CDH13: variants seen among roughly 807,000 people sequenced by gnomAD.
The protein encoded by CDH13 is cadherin-13.
In CDH13, 24 loss-of-function variants were observed where a neutral mutation model predicts 63.8. That is an observed-to-expected ratio of 0.38 (90% confidence interval 0.27 to 0.53). The LOEUF is 0.53. Ranked by LOEUF, CDH13 falls within the 20% of genes least tolerant of loss-of-function variation. The pLI, the probability that CDH13 is intolerant of heterozygous loss-of-function variation, is 0.85. For missense variants in CDH13, 1,049 were observed against 903.1 expected (o/e 1.16, Z -2.07); for synonymous variants, 503 against 355.3 (o/e 1.42, Z -4.67).
At chr16:83,010,757 T>C (rs979090618) in intron 2 of CDH13, among the ~76,000 whole-genome samples, 1 of 152,218 alleles carries the variant, frequency 6.6e-6, no homozygotes, top group African/African-American at 2.4e-5. Context: ...GGTGGGTTTG[T>C]GAACCTATGA....
At chr16:83,043,294 C>T (rs1415425161) in intron 3 of CDH13, among the ~76,000 whole-genome samples, 1 of 151,978 alleles carries the variant, frequency 6.6e-6, no homozygotes, top group Non-Finnish European at 1.5e-5. Flanking sequence ...AAAAACTGAT[C>T]CCATAGAAAG....
intron 6 of CDH13, among the ~76,000 whole-genome samples, chr16:83,434,934 A>C (rs1470600015): frequency 6.8e-6 from 1 of 146,490 alleles, no homozygotes; most frequent in African/African-American, 2.5e-5. Context: ...ATATATAAAT[A>C]TATTTTATTT....
chr16:83,184,526 G>A (rs1255019434), intron 4 of CDH13, among the ~76,000 whole-genome samples: 1 of 152,134 alleles, frequency 6.6e-6, no homozygotes, highest in East Asian at 1.9e-4. Flanking sequence ...AGGCTGAGGT[G>A]GGTGGATCAA....
At chr16:83,027,083 C>G (rs1335997397) in intron 2 of CDH13, among the ~76,000 whole-genome samples, 9 of 150,482 alleles carry the variant, frequency 6.0e-5, no homozygotes, top group African/African-American at 2.2e-4. Context: ...CAGCCTCTTG[C>G]TCACAGCACA....
intron 6 of CDH13, among the ~76,000 whole-genome samples, chr16:83,347,162 T>G (rs954027356): frequency 1.3e-5 from 2 of 152,212 alleles, no homozygotes; most frequent in African/African-American, 2.4e-5. Context: ...GGGAATCTGA[T>G]GAAGAAGACG....
intron 2 of CDH13, among the ~76,000 whole-genome samples, chr16:82,988,960 T>A (rs1367984538): frequency 6.6e-6 from 1 of 152,076 alleles, no homozygotes; most frequent in Non-Finnish European, 1.5e-5. Context: ...TCTTTTTATA[T>A]CTCCAGTGCC....
At chr16:83,051,831 G>A (rs767519202) in intron 3 of CDH13, among the ~76,000 whole-genome samples, 3 of 152,310 alleles carry the variant, frequency 2.0e-5, no homozygotes, top group Admixed American at 1.3e-4. Flanking sequence ...GAAACAGACC[G>A]AAAACTTTGA....
intron 6 of CDH13, among the ~76,000 whole-genome samples, chr16:83,376,396 T>C (rs1210714003): frequency 6.6e-6 from 1 of 152,058 alleles, no homozygotes; most frequent in Non-Finnish European, 1.5e-5. Context: ...GAAAGAATGG[T>C]GGTCGCTTAA....
intron 1 of CDH13, among the ~76,000 whole-genome samples, chr16:82,638,817 A>AGTGT (rs779050661): frequency 1.9e-5 from 1 of 52,542 alleles, no homozygotes; most frequent in Non-Finnish European, 5.6e-5. Flanking sequence ...TTATTAGGGC[A>AGTGT]GTGTGTGCGT....
chr16:83,242,654 C>T (rs1206208772), intron 5 of CDH13, among the ~76,000 whole-genome samples: 1 of 152,144 alleles, frequency 6.6e-6, no homozygotes, highest in African/African-American at 2.4e-5. Flanking sequence ...ATAGAAGAGG[C>T]AAAATTCTCT....
intron 2 of CDH13, among the ~76,000 whole-genome samples, chr16:82,967,613 C>G (rs1369362282): frequency 1.3e-5 from 2 of 152,218 alleles, no homozygotes; most frequent in Non-Finnish European, 2.9e-5. Context: ...CACGCTCCTA[C>G]TGGAGTGATG....
chr16:82,661,185 G>C (rs1597248111), intron 1 of CDH13, among the ~76,000 whole-genome samples: 1 of 152,276 alleles, frequency 6.6e-6, no homozygotes, highest in East Asian at 1.9e-4. Flanking sequence ...TGTTTACGCT[G>C]ACCTAGTGAG....
At chr16:83,444,084 T>C (rs546788874) in intron 6 of CDH13, among the ~76,000 whole-genome samples, 15 of 151,090 alleles carry the variant, frequency 9.9e-5, no homozygotes, top group African/African-American at 3.6e-4. Flanking sequence ...ATGGCAAAGA[T>C]GACAATAGTG....
At chr16:83,280,367 A>G (rs890516117) in intron 5 of CDH13, among the ~76,000 whole-genome samples, 2 of 152,192 alleles carry the variant, frequency 1.3e-5, no homozygotes, top group African/African-American at 2.4e-5. Context: ...CATAAGAGCA[A>G]TTCTTCATCC....
At chr16:83,572,422 C>T (rs907455133) in intron 7 of CDH13, among the ~76,000 whole-genome samples, 1 of 152,098 alleles carries the variant, frequency 6.6e-6, no homozygotes, top group Non-Finnish European at 1.5e-5. Context: ...ATTACAGGCA[C>T]AAGCCACAGA....
chr16:83,439,700 C>G (rs2072427972), intron 6 of CDH13, among the ~76,000 whole-genome samples: 1 of 152,174 alleles, frequency 6.6e-6, no homozygotes, highest in Non-Finnish European at 1.5e-5. Flanking sequence ...GTCTGATTGA[C>G]TGTGGTCATA....
intron 3 of CDH13, among the ~76,000 whole-genome samples, chr16:83,060,638 G>T (rs867532040): frequency 1.6e-4 from 25 of 152,232 alleles, no homozygotes; most frequent in African/African-American, 4.6e-4. Context: ...GTTGAGCTCA[G>T]ATCTGAATCC....
intron 5 of CDH13, among the ~76,000 whole-genome samples, chr16:83,323,176 TTCTTTC>T (rs1365304977): frequency 1.3e-5 from 1 of 75,604 alleles, no homozygotes; most frequent in African/African-American, 5.7e-5. Context: ...TCTTTCTTTT[TTCTTTC>T]TTTCTTTCTT....
At chr16:82,914,512 T>A (rs79028760) in intron 2 of CDH13, among the ~76,000 whole-genome samples, 2,232 of 152,322 alleles carry the variant, frequency 0.015, 48 homozygotes, top group African/African-American at 0.046. Flanking sequence ...CCTGACCATC[T>A]TCTAACCCTC....
Sources: allele counts gnomAD v4.1 joint callset (sites outside exome capture counted in the v4.1 genomes callset), GRCh38; gene constraint gnomAD v4.1.1; transcripts MANE v1.5; gene names NCBI Gene and HGNC (gene_info 2026-07-23, HGNC 2026-07-21).